KCNAB2: variants seen among roughly 807,000 people sequenced by gnomAD.
KCNAB2 encodes voltage-gated potassium channel subunit beta-2.
Under a neutral mutation model 63.6 loss-of-function variants are expected in KCNAB2, and 29 were observed. That is an observed-to-expected ratio of 0.46 (90% CI 0.34 to 0.62). The LOEUF (loss-of-function observed/expected upper bound fraction) is 0.62. Among genes scored for constraint, KCNAB2 ranks in the 20% least tolerant of loss-of-function variants. KCNAB2 has a pLI of 0.01. For synonymous variants in KCNAB2, 222 were observed against 224.2 expected (o/e 0.99, Z 0.09); for missense variants, 359 against 563.9 (o/e 0.64, Z 3.68).
intron 4 of KCNAB2, among the ~76,000 whole-genome samples, chr1:6,076,740 A>G (rs1663700346): frequency 6.6e-6 from 1 of 152,186 alleles, no homozygotes; most frequent in Admixed American, 6.5e-5. Flanking sequence ...GTCCCCCCAG[A>G]TGAGGGTGAC....
In KCNAB2 at chr1:6,087,209, C is replaced by T. The variant is rs1227507660; in HGVS notation, c.426-258C>T. On this transcript the variant is annotated intron_variant, in intron 6 of 15. Coordinates refer to ENST00000378083, the MANE Select transcript of KCNAB2 (RefSeq NM_001199862.2). This position sits in a 1 kb window ranked among gnomAD's most constrained non-coding sequence, Gnocchi z 6.4. ...TCCTCCGGACTCCGGTCACACTAGG[C>T]CCCCCACTGTCCAACTCCCACTGCC... Among the ~76,000 whole-genome samples, 1 of 152,150 alleles carries T rather than the reference C, an allele frequency of 6.6e-6. No individual in the cohort carries two copies. Among genetic ancestry groups the T allele is most frequent in the East Asian group, 1.9e-4 (1 of 5,174 alleles).
rs944904490 is a variant in KCNAB2, at chr1:6,024,962, TGG to T, written c.-52-15553_-52-15552del. Among the ~76,000 whole-genome samples, 1 of 152,212 alleles carries T rather than the reference TGG, an allele frequency of 6.6e-6. No homozygotes were observed. Among genetic ancestry groups the T allele is most frequent in the African/African-American group, 2.4e-5 (1 of 41,448 alleles). On this transcript the variant is annotated intron_variant, in intron 1 of 16. Coordinates refer to the KCNAB2 transcript ENST00000341524. The surrounding 1 kb of genome is among the most constrained non-coding windows in gnomAD (Gnocchi z 5.4). ...GTAAAAAGCATGTCATAGTCAGGGT[TGG>T]GAGCAAGGCCCAGAGCTGGCTCAAC...
At chr1:6,038,628 C>T (rs896641674) in intron 1 of KCNAB2, among the ~76,000 whole-genome samples, 12 of 152,154 alleles carry the variant, frequency 7.9e-5, no homozygotes, top group Admixed American at 2.6e-4. Flanking sequence ...TACACATGTG[C>T]TCACATCGCT....
intron 1 of KCNAB2, among the ~76,000 whole-genome samples, chr1:6,008,306 T>C (rs1332546481): frequency 6.6e-6 from 1 of 152,044 alleles, no homozygotes; most frequent in East Asian, 1.9e-4. Context: ...GCTTCCCTCG[T>C]TCCTCTGTTC....
At chr1:6,080,053 GA>G (rs1281886660) in intron 4 of KCNAB2, among the ~76,000 whole-genome samples, 3 of 152,212 alleles carry the variant, frequency 2.0e-5, no homozygotes, top group Non-Finnish European at 2.9e-5. Context: ...AAAGATGGGG[GA>G]TAAGAAAATA....
chr1:6,062,726 C>T (rs1662422443), intron 2 of KCNAB2, among the ~76,000 whole-genome samples: 2 of 152,190 alleles, frequency 1.3e-5, no homozygotes, highest in Non-Finnish European at 2.9e-5. Context: ...ACAGGAAAGG[C>T]ACTTCCACAG....
intron 9 of KCNAB2, 75 bp downstream of exon 9, chr1:6,090,550 C>A: frequency 8.6e-7 from 1 of 1,168,616 alleles, no homozygotes; most frequent in Non-Finnish European, 1.3e-6. Context: ...GTTGTAGAGG[C>A]CGCCAGCATG....
intron 2 of KCNAB2, among the ~76,000 whole-genome samples, chr1:6,053,742 G>A (rs1233426391): frequency 1.3e-5 from 2 of 152,150 alleles, no homozygotes; most frequent in Non-Finnish European, 2.9e-5. Context: ...TAGTTTAGTG[G>A]GTTAAATCAA....
chr1:6,062,314 T>C (rs993737239), intron 2 of KCNAB2, among the ~76,000 whole-genome samples: 7 of 145,104 alleles, frequency 4.8e-5, no homozygotes, highest in Admixed American at 6.8e-5. Context: ...AAAAAAGAAG[T>C]CCAAAAAAAA....
Position 6,067,485 on chromosome 1 carries a change from G to C in KCNAB2, c.219-5270G>C, listed in dbSNP as rs373163350. ...TTAAACCTCTACAAAACCAATGCCT[G>C]AGAGTTGGGCCTCGTGTGAAAACCG... On this transcript the variant is annotated intron_variant, in intron 2 of 15. Coordinates refer to ENST00000378083, the MANE Select transcript of KCNAB2 (RefSeq NM_001199862.2). Among the ~76,000 whole-genome samples the C allele has an allele frequency of 2.0e-4, 30 of 152,324 alleles. No individual in the cohort carries two copies. In the East Asian group the frequency reaches 4.1e-3, roughly 21 times the overall value.
chr1:6,094,497 G>A lies in KCNAB2; in HGVS notation c.732+12G>A, dbSNP rs190892231. ...CCATGGAGATCATGGTACGGTGGCC[G>A]CGCAGCATGTGTGTGTCCAGGCACA... On this transcript the variant is annotated intron_variant, in intron 11 of 15. Coordinates refer to ENST00000378083, the MANE Select transcript of KCNAB2 (RefSeq NM_001199862.2). 5.6e-5 allele frequency: 90 copies of A among 1,599,938 alleles called. No homozygotes were observed. The highest frequency in any genetic ancestry group is 4.4e-4 in the Admixed American group (26 of 58,680).
chr1:6,077,709 G>T (rs532594990), intron 4 of KCNAB2, among the ~76,000 whole-genome samples: 1 of 152,314 alleles, frequency 6.6e-6, no homozygotes, highest in East Asian at 1.9e-4. Context: ...GAGGCCTCCC[G>T]GTGGGCAGAG....
At position 6,007,176 on chromosome 1, in the gene KCNAB2, C is replaced by T. The variant is rs1047375313; in HGVS notation, c.-53+14388C>T. Reference sequence around the variant, plus strand: ...CACCACTCCCCAGATAGTTACTGCCCGGGCCTCCCTGCCCAGTCACTGCAT... The same window carrying T: ...CACCACTCCCCAGATAGTTACTGCCTGGGCCTCCCTGCCCAGTCACTGCAT... On this transcript the variant is annotated intron_variant, in intron 1 of 16. Coordinates refer to the KCNAB2 transcript ENST00000341524. Among the ~76,000 whole-genome samples the T allele has an allele frequency of 1.1e-4, 16 of 148,046 alleles. No individual in the cohort carries two copies. In the East Asian group the frequency reaches 3.1e-3, roughly 28 times the overall value.
upstream of KCNAB2, among the ~76,000 whole-genome samples, chr1:6,044,676 G>A (rs1660773463): frequency 6.6e-6 from 1 of 152,170 alleles, no homozygotes; most frequent in Non-Finnish European, 1.5e-5. Flanking sequence ...GCAGGGCAGG[G>A]GTCAGAGATC....
chr1:6,013,159 G>A (rs1047068518), intron 1 of KCNAB2, among the ~76,000 whole-genome samples: 4 of 152,210 alleles, frequency 2.6e-5, no homozygotes, highest in African/African-American at 9.6e-5. Flanking sequence ...AGACACCTTC[G>A]TGCGTTCATC....
intron 2 of KCNAB2, among the ~76,000 whole-genome samples, chr1:6,055,346 A>G (rs1431290349): frequency 2.0e-5 from 3 of 147,318 alleles, no homozygotes; most frequent in Non-Finnish European, 4.5e-5. Context: ...AGACCAGAAG[A>G]CAAACGCTTT....
intron 1 of KCNAB2, among the ~76,000 whole-genome samples, chr1:6,029,239 C>T (rs532036512): frequency 1.9e-3 from 279 of 149,436 alleles, no homozygotes; most frequent in Non-Finnish European, 3.3e-3. Context: ...GCCGAGATCG[C>T]GCCATTGCAC....
In KCNAB2 at chr1:6,049,569, C is replaced by G. The variant is rs537896368; in HGVS notation, c.-26-1942C>G. Among the ~76,000 whole-genome samples, 525 of 152,318 alleles carry G rather than the reference C, an allele frequency of 3.4e-3. 1 individual carries two copies. The highest frequency in any genetic ancestry group is 0.012 in the African/African-American group (480 of 41,578). ...AGGTGCAGACAGCACAGCAGGCTCC[C>G]CAAGGACGACTGGTTGCTCGCCTTT... On this transcript the variant is annotated intron_variant, in intron 1 of 15. Transcript: ENST00000378083.
At position 6,024,924 on chromosome 1, in the gene KCNAB2, A is replaced by C. The variant is rs912138319; in HGVS notation, c.-52-15593A>C. Among the ~76,000 whole-genome samples, 2 of 152,168 alleles carry C rather than the reference A, an allele frequency of 1.3e-5. No homozygotes were observed. Among genetic ancestry groups the C allele is most frequent in the African/African-American group, 4.8e-5 (2 of 41,422 alleles). ...ATGTTATTTAATATTCTTGGGCCTC[A>C]ATTTCCCCATCTGTAAAAAGCATGT... On this transcript the variant is annotated intron_variant, in intron 1 of 16. Coordinates refer to the KCNAB2 transcript ENST00000341524. The surrounding 1 kb of genome is among the most constrained non-coding windows in gnomAD (Gnocchi z 5.4).
Sources: allele counts gnomAD v4.1 joint callset (sites outside exome capture counted in the v4.1 genomes callset), GRCh38; gene constraint gnomAD v4.1.1; non-coding constraint Gnocchi (gnomAD v3.1); transcripts MANE v1.5; gene names NCBI Gene and HGNC (gene_info 2026-07-23, HGNC 2026-07-21).